Variants in CRMP1 observed in about 807,000 individuals in gnomAD.
CRMP1 encodes the protein dihydropyrimidinase-related protein 1.
Under a neutral mutation model 68.3 loss-of-function variants are expected in CRMP1, and 19 were observed. The ratio of observed to expected loss-of-function variants is 0.28; its 90% confidence interval spans 0.19 to 0.41. The LOEUF (loss-of-function observed/expected upper bound fraction) is 0.41, where lower values mean the gene tolerates loss of function less well. CRMP1 is among the 10% of genes least tolerant of loss of function. CRMP1 has a pLI of 1.00. For missense variants in CRMP1, 791 were observed against 967.4 expected (o/e 0.82, Z 2.42); for synonymous variants, 439 against 399.6 (o/e 1.10, Z -1.18).
rs1195610863 is a variant in CRMP1, at chr4:5,825,830, C to T, written c.1804-171G>A. 8 of 639,248 alleles carry T rather than the reference C, an allele frequency of 1.3e-5. No homozygotes were observed. Among genetic ancestry groups the T allele is most frequent in the Admixed American group, 7.0e-5 (2 of 28,394 alleles). 39.6% of individuals were successfully genotyped at this position (639,248 alleles called of 1,614,324 possible). A position where few individuals can be genotyped will look rare whatever the true frequency, so the allele number is the denominator to read the frequency against. ...CAGGTGCACTTCACACACATGCAGC[C>T]GCACACAGGCATTCATACACACAAG... On this transcript the variant is annotated intron_variant, in intron 12 of 13. Coordinates refer to ENST00000324989, the MANE Select transcript of CRMP1 (RefSeq NM_001014809.3). This position sits in a 1 kb window ranked among gnomAD's most constrained non-coding sequence, Gnocchi z 4.4.
intron 9 of CRMP1, among the ~76,000 whole-genome samples, chr4:5,837,501 G>A (rs1489403734): frequency 1.3e-5 from 2 of 150,680 alleles, no homozygotes; most frequent in African/African-American, 2.4e-5. Context: ...GGTGGTGGGC[G>A]CTTGTAATCC....
intron 1 of CRMP1, among the ~76,000 whole-genome samples, chr4:5,884,707 G>A (rs921619056): frequency 6.6e-6 from 1 of 152,126 alleles, no homozygotes; most frequent in Non-Finnish European, 1.5e-5. Context: ...TGGCAATTGT[G>A]CCGAATGCTT....
rs2152477733 is a variant in CRMP1 at position 5,889,772 on chromosome 4, G to A, written c.381+2817C>T. On this transcript the variant is annotated intron_variant, in intron 1 of 13. Transcript: ENST00000324989. The surrounding 1 kb of genome is among the most constrained non-coding windows in gnomAD (Gnocchi z 4.5). Reference sequence around the variant, plus strand: ...CAGCTCCCCCAGCACTGTGGTTGGGGGCTGGGGCCCTGACCTTCACCACCC... The same window carrying A: ...CAGCTCCCCCAGCACTGTGGTTGGGAGCTGGGGCCCTGACCTTCACCACCC... 1 of 1,532,498 alleles carries A rather than the reference G, an allele frequency of 6.5e-7. No individual in the cohort carries two copies. The highest frequency in any genetic ancestry group is 8.7e-7 in the Non-Finnish European group (1 of 1,144,318). The allele number at this position is 1,532,498 out of a possible 1,614,324, so 94.9% of individuals were successfully genotyped here. A position where few individuals can be genotyped will look rare whatever the true frequency, so the allele number is the denominator to read the frequency against.
intron 1 of CRMP1, among the ~76,000 whole-genome samples, chr4:5,876,017 G>C (rs1005076054): frequency 1.3e-5 from 2 of 152,006 alleles, no homozygotes; most frequent in Non-Finnish European, 2.9e-5. Flanking sequence ...GCCGAGCATG[G>C]TGGCAGGCGC....
Position 5,825,395 on chromosome 4 carries a change from A to G in CRMP1, c.1969+99T>C. The G allele has an allele frequency of 6.8e-7, 1 of 1,469,846 alleles. No individual in the cohort carries two copies. The highest frequency in any genetic ancestry group is 8.9e-7 in the Non-Finnish European group (1 of 1,117,372). 91.1% of individuals were successfully genotyped at this position (1,469,846 alleles called of 1,614,324 possible). A position where few individuals can be genotyped will look rare whatever the true frequency, so the allele number is the denominator to read the frequency against. On this transcript the variant is annotated intron_variant, in intron 13 of 13. Coordinates refer to ENST00000324989, the MANE Select transcript of CRMP1 (RefSeq NM_001014809.3). This position sits in a 1 kb window ranked among gnomAD's most constrained non-coding sequence, Gnocchi z 4.4. Reference sequence around the variant, plus strand: ...CACTCCCTTCCCTGCTTCTTCATCTAGTGTCCAAGGCCACGTGTCCATTTC... The same window carrying G: ...CACTCCCTTCCCTGCTTCTTCATCTGGTGTCCAAGGCCACGTGTCCATTTC...
At position 5,855,824 on chromosome 4, in the gene CRMP1, A is replaced by G. The variant is rs577161104; in HGVS notation, c.820+319T>C. On this transcript the variant is annotated intron_variant, in intron 4 of 13. Transcript: ENST00000324989. This position sits in a 1 kb window ranked among gnomAD's most constrained non-coding sequence, Gnocchi z 4.9. Reference sequence around the variant, plus strand: ...TGAGCAAGGGCCTCACAGCATAGCCAGTTTCAGGGATGGCAGCCAGGCTAG... The same window carrying G: ...TGAGCAAGGGCCTCACAGCATAGCCGGTTTCAGGGATGGCAGCCAGGCTAG... 8.2e-4 allele frequency among the ~76,000 whole-genome samples: 125 copies of G among 152,316 alleles called. No homozygotes were observed. The highest frequency in any genetic ancestry group is 2.5e-3 in the Admixed American group (39 of 15,298).
rs1335689034 is a variant in CRMP1, at chr4:5,893,057, G to A, written c.-88C>T. 2 of 904,816 alleles carry A rather than the reference G, an allele frequency of 2.2e-6. No homozygotes were observed. Among genetic ancestry groups the A allele is most frequent in the Non-Finnish European group, 2.7e-6 (2 of 754,096 alleles). The allele number at this position is 904,816 out of a possible 1,614,324, so 56.0% of individuals were successfully genotyped here. ...CGTGCGCCGCGCTCCGCGCCTCGGT[G>A]CGGGCCTGCGGCGGCCCGGGCGCGA... On this transcript the variant is annotated 5_prime_UTR_variant, in exon 1 of 14. Transcript: ENST00000324989.
chr4:5,885,851 T>A (rs1715548482), intron 1 of CRMP1, among the ~76,000 whole-genome samples: 1 of 111,068 alleles, frequency 9.0e-6, no homozygotes, highest in African/African-American at 3.4e-5. Context: ...GACAAGTTAA[T>A]GCAAACCCAC....
At chr4:5,822,982 A>AC (rs1297992619) in intron 13 of CRMP1, among the ~76,000 whole-genome samples, 1 of 151,942 alleles carries the variant, frequency 6.6e-6, no homozygotes, top group Non-Finnish European at 1.5e-5. Flanking sequence ...TACCCACTGT[A>AC]CCCTTTCATA....
Position 5,828,104 on chromosome 4 carries a change from G to A in CRMP1, c.1803+385C>T, listed in dbSNP as rs967719154. ...GGCCAGACCCGAGGGTTTCTGAGCC[G>A]TGACTCTGGCTAAGCCCTTCACTGC... On this transcript the variant is annotated intron_variant, in intron 12 of 13. Transcript: ENST00000324989. 25 of 985,430 alleles carry A rather than the reference G, an allele frequency of 2.5e-5. No homozygotes were observed. The Admixed American group carries it at 3.7e-4, about 15-fold the overall frequency. 61.0% of individuals were successfully genotyped at this position (985,430 alleles called of 1,614,324 possible).
At position 5,881,565 on chromosome 4, in the gene CRMP1, G is replaced by C. The variant is rs779129323; in HGVS notation, c.381+11024C>G. On this transcript the variant is annotated intron_variant, in intron 1 of 13. Transcript: ENST00000324989. This position sits in a 1 kb window ranked among gnomAD's most constrained non-coding sequence, Gnocchi z 4.6. ...GCACCGTGGTGCTGTCCACTGCCCC[G>C]ACCATGTTCTTTTATATGCTCTCAC... 6.6e-6 allele frequency among the ~76,000 whole-genome samples: 1 copy of C among 152,042 alleles called. No homozygotes were observed. The highest frequency in any genetic ancestry group is 1.5e-5 in the Non-Finnish European group (1 of 68,000).
In CRMP1 at chr4:5,850,454, G is replaced by A. The variant is rs1712543751; in HGVS notation, c.882+954C>T. ...ATCAAAGGCCTCCAGGACATCTTGG[G>A]ATAAGTTATTTTCTGTAACCCCAAG... On this transcript the variant is annotated intron_variant, in intron 5 of 13. Coordinates refer to ENST00000324989, the MANE Select transcript of CRMP1 (RefSeq NM_001014809.3). This position sits in a 1 kb window ranked among gnomAD's most constrained non-coding sequence, Gnocchi z 4.4. Among the ~76,000 whole-genome samples, 1 of 152,140 alleles carries A rather than the reference G, an allele frequency of 6.6e-6. No individual in the cohort carries two copies. Among genetic ancestry groups the A allele is most frequent in the Non-Finnish European group, 1.5e-5 (1 of 68,030 alleles).
chr4:5,851,452 C>G lies in CRMP1; in HGVS notation c.838G>C (p.Val280Leu). The G allele has an allele frequency of 6.2e-7, 1 of 1,614,116 alleles. No homozygotes were observed. The highest frequency in any genetic ancestry group is 8.5e-7 in the Non-Finnish European group (1 of 1,179,984). Residue 280 changes from valine to leucine, a missense_variant, in exon 5 of 14, where the codon GTC becomes CTC. Val to Leu is a conservative substitution (Grantham distance 32). Around this residue, in one of 3 missense-constraint regions of CRMP1, gnomAD observed 594 missense variants for 763.6 expected, o/e 0.78. Coordinates refer to ENST00000324989, the MANE Select transcript of CRMP1 (RefSeq NM_001014809.3). ...TAGACATCCTTATAGGCCATGTAGA[C>G]TTGGAAGGAATTGACGCCTGTTTCA... ...VQDKGVNSFQ[V>L]YMAYKDVYQM...
rs879829870 is a variant in CRMP1 at position 5,841,226 on chromosome 4, C to T, written c.1153+82G>A. On this transcript the variant is annotated intron_variant, in intron 8 of 13. Transcript: ENST00000324989. The surrounding 1 kb of genome is among the most constrained non-coding windows in gnomAD (Gnocchi z 6.9). ...CCTCCTCCGGCTGCCTGTCTGAGTTCGGGAGGGAGTGAACTTGAACCTGCA... is the reference window on the plus strand; with the variant it reads ...CCTCCTCCGGCTGCCTGTCTGAGTTTGGGAGGGAGTGAACTTGAACCTGCA... 2.5e-4 allele frequency: 396 copies of T among 1,605,452 alleles called. No individual in the cohort carries two copies. The highest frequency in any genetic ancestry group is 3.2e-4 in the Non-Finnish European group (376 of 1,173,642).
chr4:5,874,521 G>A (rs1293093365), intron 1 of CRMP1, among the ~76,000 whole-genome samples: 2 of 152,128 alleles, frequency 1.3e-5, no homozygotes, highest in Non-Finnish European at 2.9e-5. Context: ...ACCCCTTCAT[G>A]GCCAGGGGAG....
At chr4:5,857,190 C>CCACCACCATCATCACCACCCCATCACCAG (rs1331174878) in intron 3 of CRMP1, among the ~76,000 whole-genome samples, 1 of 151,402 alleles carries the variant, frequency 6.6e-6, no homozygotes, top group Non-Finnish European at 1.5e-5. Flanking sequence ...CATTGTCACT[C>CCACCACCATCATCACCACCCCATCACCAG]CACCACCATC....
chr4:5,887,084 C>T (rs1715644072), intron 1 of CRMP1, among the ~76,000 whole-genome samples: 1 of 152,194 alleles, frequency 6.6e-6, no homozygotes, highest in Non-Finnish European at 1.5e-5. Flanking sequence ...GTGGTGGAAG[C>T]CCTCAGCCCA....
At chr4:5,880,443 T>G (rs745409885) in intron 1 of CRMP1, among the ~76,000 whole-genome samples, 3 of 152,190 alleles carry the variant, frequency 2.0e-5, no homozygotes, top group Non-Finnish European at 2.9e-5. Context: ...TTTCCTCAAA[T>G]AGCCACCTTT....
rs1712780068 is a variant in CRMP1 at position 5,853,003 on chromosome 4, A to G, written c.821-1534T>C. On this transcript the variant is annotated intron_variant, in intron 4 of 13. Coordinates refer to ENST00000324989, the MANE Select transcript of CRMP1 (RefSeq NM_001014809.3). The surrounding 1 kb of genome is among the most constrained non-coding windows in gnomAD (Gnocchi z 4.7). ...GCAGGGGGCTGGGGCTCTGGGCCCC[A>G]GGAACTGGAACAAGCCAGTCTGGAG... Among the ~76,000 whole-genome samples, 1 of 152,146 alleles carries G rather than the reference A, an allele frequency of 6.6e-6. No individual in the cohort carries two copies. Among genetic ancestry groups the G allele is most frequent in the Non-Finnish European group, 1.5e-5 (1 of 67,972 alleles).
Sources: allele counts gnomAD v4.1 joint callset (sites outside exome capture counted in the v4.1 genomes callset), GRCh38; gene constraint gnomAD v4.1.1; regional missense constraint gnomAD v4.1.1; non-coding constraint Gnocchi (gnomAD v3.1); transcripts MANE v1.5; gene names NCBI Gene and HGNC (gene_info 2026-07-23, HGNC 2026-07-21).